Variants in JAZF1 observed in about 807,000 individuals in gnomAD.
The protein encoded by JAZF1 is juxtaposed with another zinc finger protein 1.
JAZF1 carries 8 observed loss-of-function variants against 26.4 expected under a neutral mutation model. The ratio of observed to expected loss-of-function variants is 0.30; its 90% CI spans 0.18 to 0.55. The LOEUF is 0.55. Ranked by LOEUF, JAZF1 falls within the 20% of genes least tolerant of loss-of-function variation. The probability of loss-of-function intolerance (pLI) is 0.94; values close to 1 mark genes in which losing one functional copy is unlikely to be tolerated. For synonymous variants in JAZF1, 126 were observed against 122.3 expected (o/e 1.03, Z -0.20); for missense variants, 199 against 322.0 (o/e 0.62, Z 2.92).
intron 3 of JAZF1, among the ~76,000 whole-genome samples, chr7:27,871,234 C>T (rs1783575819): frequency 6.6e-6 from 1 of 152,200 alleles, no homozygotes; most frequent in Admixed American, 6.5e-5. Flanking sequence ...TCAAATCAAT[C>T]TTGATCTAGA....
intron 1 of JAZF1, among the ~76,000 whole-genome samples, chr7:28,026,141 CA>C (rs1783089886): frequency 6.6e-6 from 1 of 152,144 alleles, no homozygotes. Flanking sequence ...CTAGAGGCCC[CA>C]CTGGGTCTGG....
intron 1 of JAZF1, among the ~76,000 whole-genome samples, chr7:28,128,380 G>T (rs1026772948): frequency 6.6e-6 from 1 of 152,116 alleles, no homozygotes; most frequent in Admixed American, 6.6e-5. Flanking sequence ...AAATTAGCCA[G>T]GTGTGGTGGC....
intron 2 of JAZF1, among the ~76,000 whole-genome samples, chr7:27,971,371 T>C (rs1785373468): frequency 6.6e-6 from 1 of 152,170 alleles, no homozygotes; most frequent in Non-Finnish European, 1.5e-5. Flanking sequence ...TTAGCTGCAC[T>C]GCTTTGAGCC....
chr7:28,044,013 T>C (rs1783450725), intron 1 of JAZF1, among the ~76,000 whole-genome samples: 1 of 151,900 alleles, frequency 6.6e-6, no homozygotes, highest in Non-Finnish European at 1.5e-5. Context: ...GCTTAATGGG[T>C]TTGAGGTTTC....
At chr7:27,853,234 G>A (rs1346112254) in intron 3 of JAZF1, among the ~76,000 whole-genome samples, 1 of 152,120 alleles carries the variant, frequency 6.6e-6, no homozygotes, top group East Asian at 1.9e-4. Flanking sequence ...CCTCCCAGAA[G>A]AATTTCATTA....
At chr7:28,096,887 CAGT>C (rs1032306050) in intron 1 of JAZF1, among the ~76,000 whole-genome samples, 13 of 152,148 alleles carry the variant, frequency 8.5e-5, no homozygotes, top group African/African-American at 2.7e-4. Flanking sequence ...AAAAGACGTT[CAGT>C]ATTTTGAAAC....
intron 1 of JAZF1, chr7:28,020,552 C>G (rs182537434): frequency 2.1e-6 from 1 of 471,198 alleles, no homozygotes; most frequent in South Asian, 1.5e-5. Context: ...ATGACACTTA[C>G]GTTGTCCTAC....
At chr7:28,177,724 T>A (rs1172668015) in intron 1 of JAZF1, among the ~76,000 whole-genome samples, 1 of 152,232 alleles carries the variant, frequency 6.6e-6, no homozygotes, top group East Asian at 1.9e-4. Flanking sequence ...AGTAAGTCAA[T>A]CATTAACGGT....
intron 3 of JAZF1, among the ~76,000 whole-genome samples, chr7:27,871,601 C>G (rs1488739788): frequency 6.6e-6 from 1 of 152,162 alleles, no homozygotes; most frequent in Non-Finnish European, 1.5e-5. Flanking sequence ...TCCAAGAAGC[C>G]TGCACAGTAT....
At chr7:28,122,043 C>G (rs1005140687) in intron 1 of JAZF1, among the ~76,000 whole-genome samples, 5 of 152,192 alleles carry the variant, frequency 3.3e-5, no homozygotes, top group African/African-American at 1.2e-4. Context: ...TAGAGACTTT[C>G]TACCTAGCAG....
intron 2 of JAZF1, among the ~76,000 whole-genome samples, chr7:27,972,239 T>G (rs889759433): frequency 3.9e-5 from 6 of 152,098 alleles, no homozygotes; most frequent in Non-Finnish European, 7.4e-5. Flanking sequence ...GGATACTGTT[T>G]AAAGGAGGGA....
chr7:28,176,670 A>C (rs571834341), intron 1 of JAZF1, among the ~76,000 whole-genome samples: 1 of 152,340 alleles, frequency 6.6e-6, no homozygotes, highest in South Asian at 2.1e-4. Flanking sequence ...TCAAGTGCTC[A>C]TAACTTTGCC....
rs547460510 is a variant in JAZF1, at chr7:27,854,999, A to G, written c.386-14132T>C. 5.7e-4 allele frequency among the ~76,000 whole-genome samples: 86 copies of G among 152,156 alleles called. 1 individual carries two copies. Among genetic ancestry groups the G allele is most frequent in the Non-Finnish European group, 8.2e-4 (56 of 68,046 alleles). On this transcript the variant is annotated intron_variant, in intron 3 of 4. Coordinates refer to ENST00000283928, the MANE Select transcript of JAZF1 (RefSeq NM_175061.4). ...TCCCCACTTCACTTTCAGGTACACC[A>G]ATCAAACATAGGTTCGGTCATTTCA... is the stretch of plus-strand genomic sequence containing the variant.
At chr7:28,158,624 T>C (rs1464747078) in intron 1 of JAZF1, among the ~76,000 whole-genome samples, 5 of 152,206 alleles carry the variant, frequency 3.3e-5, no homozygotes, top group Non-Finnish European at 5.9e-5. Context: ...TGCACAGCTC[T>C]GAGATGGAGA....
rs956017770 is a variant in JAZF1 at position 27,991,826 on chromosome 7, C to T, written c.188+83G>A. 5.2e-6 allele frequency: 4 copies of T among 772,388 alleles called. No homozygotes were observed. In the African/African-American group the frequency reaches 7.0e-5, roughly 13 times the overall value. The allele number at this position is 772,388 out of a possible 1,614,324, so 47.8% of individuals were successfully genotyped here. A position where few individuals can be genotyped will look rare whatever the true frequency, so the allele number is the denominator to read the frequency against. On this transcript the variant is annotated intron_variant, in intron 2 of 4. Coordinates refer to ENST00000283928, the MANE Select transcript of JAZF1 (RefSeq NM_175061.4). ...ATATTTTAAGACTGAAAACATTTTT[C>T]CACTCTGTTAAAAAAGATGTGTTTA...
intron 2 of JAZF1, among the ~76,000 whole-genome samples, chr7:27,987,482 G>T (rs921803929): frequency 2.0e-5 from 3 of 152,232 alleles, no homozygotes; most frequent in Admixed American, 2.0e-4. Flanking sequence ...CAGGAGGTTG[G>T]GGGCAGCCCC....
intron 2 of JAZF1, among the ~76,000 whole-genome samples, chr7:27,985,704 A>G (rs1352117273): frequency 1.3e-5 from 2 of 152,260 alleles, no homozygotes; most frequent in African/African-American, 2.4e-5. Context: ...AAAATCCTCA[A>G]TAAAATACTG....
At chr7:28,109,491 C>T (rs1165283871) in intron 1 of JAZF1, among the ~76,000 whole-genome samples, 1 of 152,188 alleles carries the variant, frequency 6.6e-6, no homozygotes, top group Non-Finnish European at 1.5e-5. Context: ...TAAACGCTCT[C>T]TCAAGGTATA....
At chr7:28,143,681 C>T (rs1782988586) in intron 1 of JAZF1, among the ~76,000 whole-genome samples, 2 of 152,202 alleles carry the variant, frequency 1.3e-5, no homozygotes, top group African/African-American at 4.8e-5. Context: ...GAGCTATAGA[C>T]AGATCCTTTA....
Sources: allele counts gnomAD v4.1 joint callset (sites outside exome capture counted in the v4.1 genomes callset), GRCh38; gene constraint gnomAD v4.1.1; transcripts MANE v1.5; gene names NCBI Gene and HGNC (gene_info 2026-07-23, HGNC 2026-07-21).